Variants in ATP6V1G3 observed in about 807,000 individuals in gnomAD.
The protein encoded by ATP6V1G3 is ATPase H+ transporting V1 subunit G3, also known as V-type proton ATPase subunit G 3.
In ATP6V1G3, 9 loss-of-function variants were observed where a neutral mutation model predicts 9.3. The observed-to-expected ratio is 0.97, with a 90% CI of 0.59 to 1.69. The LOEUF (loss-of-function observed/expected upper bound fraction) is 1.69. ATP6V1G3 is among the 40% of genes most tolerant of loss of function. The pLI, the probability that ATP6V1G3 is intolerant of heterozygous loss-of-function variation, is 0.00. For missense variants in ATP6V1G3, 133 were observed against 139.0 expected, an observed-to-expected ratio of 0.96 and a Z score of 0.22; for synonymous variants, 43 against 43.8, an observed-to-expected ratio of 0.98 and a Z score of 0.07.
chr1:198,539,670 T>C (rs995732351), intron 1 of ATP6V1G3, among the ~76,000 whole-genome samples: 11 of 152,224 alleles, frequency 7.2e-5, no homozygotes, highest in East Asian at 1.9e-4. Context: ...TTAGACAAGT[T>C]GTATAATTTC....
At chr1:198,532,478 A>G (rs930280752) in intron 1 of ATP6V1G3, among the ~76,000 whole-genome samples, 10 of 152,174 alleles carry the variant, frequency 6.6e-5, no homozygotes. Context: ...TGGATATAGC[A>G]GTGAAAGCCA....
At chr1:198,538,904 A>AAAG (rs1196593389) in intron 1 of ATP6V1G3, among the ~76,000 whole-genome samples, 2 of 151,612 alleles carry the variant, frequency 1.3e-5, no homozygotes, top group South Asian at 2.1e-4. Flanking sequence ...AAAAAAAAAA[A>AAAG]AAGAAGAAGA....
In ATP6V1G3 at chr1:198,535,265, A is replaced by G. The variant is rs548694613; in HGVS notation, c.82+5304T>C. Reference sequence around the variant, plus strand: ...CCTACAAAACATGCAAGACAGGGCCATGAAATTCTTATATAACAACTTTTA... The same window carrying G: ...CCTACAAAACATGCAAGACAGGGCCGTGAAATTCTTATATAACAACTTTTA... On this transcript the variant is annotated intron_variant, in intron 1 of 2. Coordinates refer to ENST00000367382, the MANE Select transcript of ATP6V1G3 (RefSeq NM_001376861.1). Among the ~76,000 whole-genome samples the G allele has an allele frequency of 9.8e-5, 15 of 152,320 alleles. No homozygotes were observed. The South Asian group carries it at 3.1e-3, about 32-fold the overall frequency.
chr1:198,538,427 T>C (rs1660206758), intron 1 of ATP6V1G3, among the ~76,000 whole-genome samples: 3 of 152,160 alleles, frequency 2.0e-5, no homozygotes, highest in Admixed American at 1.3e-4. Context: ...TCTTTTATTC[T>C]TTAATGACTC....
At chr1:198,539,421 A>G (rs1660258512) in intron 1 of ATP6V1G3, among the ~76,000 whole-genome samples, 1 of 152,240 alleles carries the variant, frequency 6.6e-6, no homozygotes, top group Non-Finnish European at 1.5e-5. Flanking sequence ...GGCAGGACAC[A>G]CAAGGAGAGT....
chr1:198,534,000 G>A (rs761767835), intron 1 of ATP6V1G3, among the ~76,000 whole-genome samples: 11 of 152,092 alleles, frequency 7.2e-5, no homozygotes, highest in Non-Finnish European at 1.3e-4. Context: ...GTAGACACAG[G>A]GAACATAGGC....
chr1:198,525,022 CTCAGT>C (rs1234774588), intron 2 of ATP6V1G3, among the ~76,000 whole-genome samples: 1 of 152,114 alleles, frequency 6.6e-6, no homozygotes, highest in African/African-American at 2.4e-5. Flanking sequence ...ATGGGGTCTT[CTCAGT>C]TCAAAGAAAA....
At chr1:198,531,682 A>G (rs1463486409) in intron 1 of ATP6V1G3, among the ~76,000 whole-genome samples, 1 of 152,122 alleles carries the variant, frequency 6.6e-6, no homozygotes, top group Non-Finnish European at 1.5e-5. Flanking sequence ...AATTTGTTCT[A>G]GGCTCTTTTC....
chr1:198,532,117 G>A (rs12737244), intron 1 of ATP6V1G3, among the ~76,000 whole-genome samples: 10,394 of 152,132 alleles, frequency 0.068, 531 homozygotes, highest in South Asian at 0.23. Context: ...GATGCAGGAG[G>A]AAGGTCTGAA....
chr1:198,537,820 A>G (rs1660179759), intron 1 of ATP6V1G3, among the ~76,000 whole-genome samples: 1 of 152,224 alleles, frequency 6.6e-6, no homozygotes, highest in African/African-American at 2.4e-5. Context: ...TAGATACCCA[A>G]TAAACACTTA....
intron 1 of ATP6V1G3, among the ~76,000 whole-genome samples, chr1:198,532,902 C>T (rs933731101): frequency 6.6e-6 from 1 of 152,066 alleles, no homozygotes; most frequent in African/African-American, 2.4e-5. Flanking sequence ...GATAGTAGCA[C>T]GACCAGGTCA....
intron 1 of ATP6V1G3, among the ~76,000 whole-genome samples, chr1:198,534,667 C>G (rs556669360): frequency 6.6e-6 from 1 of 152,252 alleles, no homozygotes; most frequent in East Asian, 1.9e-4. Context: ...AATGTGCCAC[C>G]TGACAAAAAT....
At chr1:198,536,286 A>T (rs1396028975) in intron 1 of ATP6V1G3, among the ~76,000 whole-genome samples, 1 of 152,176 alleles carries the variant, frequency 6.6e-6, no homozygotes, top group Non-Finnish European at 1.5e-5. Context: ...AAAGGTCATG[A>T]CTAAAAGTAA....
chr1:198,523,383 A>T lies in ATP6V1G3; in HGVS notation c.*8T>A. 6.2e-7 allele frequency: 1 copy of T among 1,609,748 alleles called. No individual in the cohort carries two copies. Among genetic ancestry groups the T allele is most frequent in the South Asian group, 1.1e-5 (1 of 90,250 alleles). On this transcript the variant is annotated 3_prime_UTR_variant, in exon 3 of 3. Transcript: ENST00000367382. The stretch of plus-strand genomic sequence containing the variant: ...ACCTTTTTTTTTCTTGAAAACTGTG[A>T]TGTACATTTAGTTGGTGGCTCTGTA...
chr1:198,530,616 A>G (rs1659860172), intron 1 of ATP6V1G3, among the ~76,000 whole-genome samples: 2 of 152,160 alleles, frequency 1.3e-5, no homozygotes, highest in Admixed American at 1.3e-4. Flanking sequence ...TTGAGGCTTA[A>G]TGGAACATTA....
At chr1:198,539,676 A>G (rs1157003417) in intron 1 of ATP6V1G3, among the ~76,000 whole-genome samples, 1 of 152,232 alleles carries the variant, frequency 6.6e-6, no homozygotes, top group Admixed American at 6.5e-5. Context: ...AAGTTGTATA[A>G]TTTCTCTAAG....
intron 1 of ATP6V1G3, among the ~76,000 whole-genome samples, chr1:198,538,891 C>CAAA (rs71569596): frequency 4.1e-5 from 4 of 97,378 alleles, no homozygotes; most frequent in Non-Finnish European, 6.1e-5. Flanking sequence ...GACCCTGTCT[C>CAAA]AAAAAAAAAA....
chr1:198,540,788 T>C (rs981784481), upstream of ATP6V1G3: 41 of 871,976 alleles, frequency 4.7e-5, no homozygotes, highest in African/African-American at 1.2e-4. Flanking sequence ...ACTGGCTTTA[T>C]TGGGCTGGAT....
intron 1 of ATP6V1G3, 42 bp downstream of exon 1, chr1:198,540,527 C>T: frequency 6.3e-7 from 1 of 1,585,508 alleles, no homozygotes; most frequent in East Asian, 2.2e-5. Context: ...CATTCCACTG[C>T]TTTGTTTATT....
Sources: allele counts gnomAD v4.1 joint callset (sites outside exome capture counted in the v4.1 genomes callset), GRCh38; gene constraint gnomAD v4.1.1; transcripts MANE v1.5; gene names NCBI Gene and HGNC (gene_info 2026-07-23, HGNC 2026-07-21).